The following NUP43 variants were observed in gnomAD, a reference collection of about 807,000 sequenced individuals.
The protein encoded by NUP43 is nucleoporin 43.
In NUP43, 32 loss-of-function variants were observed where a neutral mutation model predicts 47.3. The observed-to-expected ratio is 0.68, with a 90% CI of 0.51 to 0.91. The LOEUF (loss-of-function observed/expected upper bound fraction) is 0.91. Ranked by LOEUF, NUP43 falls within the 40% of genes least tolerant of loss-of-function variation. The pLI is 0.00. For synonymous variants in NUP43, 147 were observed against 158.4 expected, an observed-to-expected ratio of 0.93 and a Z score of 0.54; for missense variants, 444 against 453.9, an observed-to-expected ratio of 0.98 and a Z score of 0.20.
intron 6 of NUP43, among the ~76,000 whole-genome samples, chr6:149,734,934 T>C (rs2115103788): frequency 6.6e-6 from 1 of 152,100 alleles, no homozygotes; most frequent in African/African-American, 2.4e-5. Flanking sequence ...CTATTGTTCA[T>C]GTTAAAAAAA....
At chr6:149,736,416 T>C in intron 6 of NUP43, 55 bp downstream of exon 6, 1 of 1,323,382 alleles carries the variant, frequency 7.6e-7, no homozygotes, top group Non-Finnish European at 1.0e-6. Context: ...AAGGTGCTTA[T>C]TATATGTCAT....
chr6:149,728,616 CCT>C (rs527498404), intron 7 of NUP43: 142 of 184,638 alleles, frequency 7.7e-4, no homozygotes, highest in African/African-American at 3.3e-3. Context: ...TCCTCATCTC[CCT>C]GTTTTCCACT....
At chr6:149,738,288 C>A (rs1049723533) in intron 5 of NUP43, among the ~76,000 whole-genome samples, 2 of 151,996 alleles carry the variant, frequency 1.3e-5, no homozygotes, top group African/African-American at 4.8e-5. Context: ...CGTTGTACAC[C>A]TACAAAGGGG....
At chr6:149,729,655 C>T (rs1263409290) in intron 7 of NUP43, 1 of 367,418 alleles carries the variant, frequency 2.7e-6, no homozygotes, top group African/African-American at 2.2e-5. Flanking sequence ...TTTCCCAGCC[C>T]TTCTAACACA....
At chr6:149,727,868 TC>T in intron 7 of NUP43, 1 of 985,330 alleles carries the variant, frequency 1.0e-6, no homozygotes, top group Non-Finnish European at 1.2e-6. Context: ...CAACTTACTT[TC>T]CTCTCAACTT....
chr6:149,734,288 T>C lies in NUP43; in HGVS notation c.790+2183A>G, dbSNP rs188597305. Among the ~76,000 whole-genome samples the C allele has an allele frequency of 3.2e-3, 489 of 152,038 alleles. 4 individuals carry two copies. Among genetic ancestry groups the C allele is most frequent in the Non-Finnish European group, 3.2e-3 (218 of 67,976 alleles). On this transcript the variant is annotated intron_variant, in intron 6 of 7. Transcript: ENST00000340413. ...AGGTTGAGGCTTAAGTGAGGTACCA[T>C]GCCACTGCACTCCAGCCTGGGCAAC...
Position 149,742,375 on chromosome 6 carries a change from T to C in NUP43, c.502+15A>G. The C allele has an allele frequency of 1.2e-6, 2 of 1,612,394 alleles. No homozygotes were observed. The highest frequency in any genetic ancestry group is 4.5e-5 in the East Asian group (2 of 44,856). ...CTAGGTTTCGCCATGTTGGCCAGGC[T>C]GGGATTTTTCTTACCTATGGTTCTT... On this transcript the variant is annotated intron_variant, in intron 4 of 7. Coordinates refer to ENST00000340413, the MANE Select transcript of NUP43 (RefSeq NM_198887.3).
At chr6:149,733,012 A>C (rs1320596306) in intron 6 of NUP43, among the ~76,000 whole-genome samples, 1 of 152,056 alleles carries the variant, frequency 6.6e-6, no homozygotes, top group Non-Finnish European at 1.5e-5. Context: ...TCAGCCTCCC[A>C]AAAGTGCTGG....
intron 2 of NUP43, among the ~76,000 whole-genome samples, chr6:149,744,319 T>C (rs1049180744): frequency 1.3e-4 from 20 of 149,610 alleles, no homozygotes; most frequent in African/African-American, 4.4e-4. Flanking sequence ...AGGTCAGGAG[T>C]TCGAGACCAG....
At chr6:149,745,280 G>A (rs1408829397) in intron 2 of NUP43, among the ~76,000 whole-genome samples, 1 of 151,320 alleles carries the variant, frequency 6.6e-6, no homozygotes, top group African/African-American at 2.4e-5. Flanking sequence ...TGCGCCTGTA[G>A]TCCCAGCTAC....
At position 149,742,495 on chromosome 6, in the gene NUP43, G is replaced by A. The variant is rs1341176221; in HGVS notation, c.397C>T (p.Pro133Ser). The change falls in exon 4 of 8, where the codon CCA becomes TCA. Residue 133 changes from proline (P) to serine (S), a missense_variant. Transcript: ENST00000340413. ...TTGTTGCACACAACACCTGTACATG[G>A]TGCACTGCTATAGGAAGGACTGCCA... ...GPGSPSYSSAPCTGVVCNNPE... is the reference protein window; with the variant it reads ...GPGSPSYSSASCTGVVCNNPE... The A allele has an allele frequency of 6.2e-7, 1 of 1,613,910 alleles. No individual in the cohort carries two copies. Among genetic ancestry groups the A allele is most frequent in the East Asian group, 2.2e-5 (1 of 44,894 alleles).
At chr6:149,734,797 C>CA (rs529323368) in intron 6 of NUP43, among the ~76,000 whole-genome samples, 1,712 of 85,150 alleles carry the variant, frequency 0.02, 51 homozygotes, top group African/African-American at 0.058. Flanking sequence ...GACTCTGTCT[C>CA]AAAAAAAAAA....
chr6:149,731,658 C>T lies in NUP43; in HGVS notation c.868G>A (p.Asp290Asn). 2.5e-6 allele frequency: 4 copies of T among 1,613,648 alleles called. No individual in the cohort carries two copies. Among genetic ancestry groups the T allele is most frequent in the Non-Finnish European group, 3.4e-6 (4 of 1,179,904 alleles). The change falls in exon 7 of 8, where the codon GAT becomes AAT. Residue 290 changes from aspartate to asparagine, a missense_variant. Physicochemically the swap from Asp to Asn is conservative, Grantham distance 23. Transcript: ENST00000340413. ...CSEDGSLWHW[D>N]ASTDVPEKSS... is the part of the protein sequence containing the mutation. Reference sequence around the variant, plus strand: ...TTTTCAGGTACATCTGTGGAAGCATCCCAGTGCCAGAGGGATCCATCTTCA... The same window carrying T: ...TTTTCAGGTACATCTGTGGAAGCATTCCAGTGCCAGAGGGATCCATCTTCA...
intron 6 of NUP43, among the ~76,000 whole-genome samples, chr6:149,734,432 A>C (rs1785217314): frequency 6.6e-6 from 1 of 151,900 alleles, no homozygotes; most frequent in Non-Finnish European, 1.5e-5. Flanking sequence ...CCAGGGAGGC[A>C]AGGCTGAGGC....
At chr6:149,728,340 G>A (rs903784857) in intron 7 of NUP43, 3 of 985,118 alleles carry the variant, frequency 3.0e-6, no homozygotes, top group Non-Finnish European at 2.4e-6. Context: ...TCAAGACTGT[G>A]CGGTTAGGGG....
intron 2 of NUP43, among the ~76,000 whole-genome samples, chr6:149,744,451 G>A (rs928278446): frequency 1.1e-4 from 17 of 151,050 alleles, no homozygotes; most frequent in East Asian, 3.9e-4. Context: ...TTGAACCCAC[G>A]AGGTGGGGTT....
Position 149,728,219 on chromosome 6 carries a change from TTA to T in NUP43, c.914-1023_914-1022del, listed in dbSNP as rs1334376207. On this transcript the variant is annotated intron_variant, in intron 7 of 7. Coordinates refer to ENST00000340413, the MANE Select transcript of NUP43 (RefSeq NM_198887.3). Reference sequence around the variant, plus strand: ...ATGTCTTAAGAGCAGGATGCATATTTTATATGTTTTACTTTTTCACAGTGTCT... The same window carrying T: ...ATGTCTTAAGAGCAGGATGCATATTTTATGTTTTACTTTTTCACAGTGTCT... 16 of 983,134 alleles carry T rather than the reference TTA, an allele frequency of 1.6e-5. No homozygotes were observed. In the South Asian group the frequency reaches 1.9e-4, roughly 12 times the overall value. 60.9% of individuals were successfully genotyped at this position (983,134 alleles called of 1,614,324 possible). A position where few individuals can be genotyped will look rare whatever the true frequency, so the allele number is the denominator to read the frequency against.
chr6:149,735,540 A>C (rs1785279454), intron 6 of NUP43, among the ~76,000 whole-genome samples: 2 of 140,710 alleles, frequency 1.4e-5, no homozygotes, highest in African/African-American at 5.4e-5. Flanking sequence ...GGCTGCAATG[A>C]GCTATGATCA....
At chr6:149,730,979 A>G (rs896157411) in intron 7 of NUP43, among the ~76,000 whole-genome samples, 2 of 151,994 alleles carry the variant, frequency 1.3e-5, no homozygotes, top group African/African-American at 4.8e-5. Context: ...AAAATTACAC[A>G]TAACAGGCTG....
Sources: gnomAD v4.1 joint callset for allele counts (sites outside exome capture counted in the v4.1 genomes callset) on GRCh38, gnomAD v4.1.1 for gene constraint, MANE v1.5 for transcripts, NCBI Gene and HGNC (gene_info 2026-07-23, HGNC 2026-07-21) for gene names.